Variants in DLG2 observed in about 807,000 individuals in gnomAD.
The protein encoded by DLG2 is discs large MAGUK scaffold protein 2.
A neutral mutation model predicts 132.5 loss-of-function variants in DLG2; 45 were observed. That is an observed-to-expected ratio of 0.34 (90% CI 0.27 to 0.44). The LOEUF is 0.44. DLG2 is among the 20% of genes least tolerant of loss of function. The pLI is 1.00. For missense variants in DLG2, 1,045 were observed against 1,196.9 expected, an observed-to-expected ratio of 0.87 and a Z score of 1.87; for synonymous variants, 424 against 419.6, an observed-to-expected ratio of 1.01 and a Z score of -0.13.
chr11:85,584,920 G>A (rs1251739481), intron 3 of DLG2, among the ~76,000 whole-genome samples: 1 of 152,302 alleles, frequency 6.6e-6, no homozygotes, highest in South Asian at 2.1e-4. Context: ...CGAATGTATA[G>A]ACTGCAAAGA....
At chr11:85,263,869 T>G (rs557148637) in intron 4 of DLG2, among the ~76,000 whole-genome samples, 1 of 152,334 alleles carries the variant, frequency 6.6e-6, no homozygotes, top group African/African-American at 2.4e-5. Flanking sequence ...GTGGTAACAG[T>G]TATTGAAACA....
intron 18 of DLG2, among the ~76,000 whole-genome samples, chr11:83,684,285 C>G (rs1223902163): frequency 6.6e-6 from 1 of 152,064 alleles, no homozygotes; most frequent in Non-Finnish European, 1.5e-5. Flanking sequence ...GTCAGCATTC[C>G]TTGAGAGCCA....
chr11:83,826,767 G>A (rs2052923990), intron 17 of DLG2, among the ~76,000 whole-genome samples: 2 of 152,236 alleles, frequency 1.3e-5, no homozygotes, highest in South Asian at 4.1e-4. Context: ...GGAGAGTAGT[G>A]GTTTTGCTGG....
intron 15 of DLG2, among the ~76,000 whole-genome samples, chr11:83,912,050 C>G (rs1343554483): frequency 6.6e-6 from 1 of 151,702 alleles, no homozygotes; most frequent in African/African-American, 2.4e-5. Context: ...TCATATTTTG[C>G]ACTTATATAC....
intron 18 of DLG2, among the ~76,000 whole-genome samples, chr11:83,706,116 G>A (rs374435170): frequency 6.6e-6 from 1 of 151,746 alleles, no homozygotes; most frequent in Admixed American, 6.6e-5. Flanking sequence ...TACTCGGGAG[G>A]TTGAGGCAGG....
At chr11:83,784,173 A>G (rs1343694193) in intron 18 of DLG2, among the ~76,000 whole-genome samples, 1 of 152,218 alleles carries the variant, frequency 6.6e-6, no homozygotes, top group Non-Finnish European at 1.5e-5. Flanking sequence ...ACGACTTACA[A>G]TATGGGTGCA....
intron 18 of DLG2, among the ~76,000 whole-genome samples, chr11:83,706,228 A>C (rs1009127912): frequency 1.3e-5 from 2 of 151,762 alleles, no homozygotes; most frequent in African/African-American, 4.8e-5. Context: ...AAAAAAAAAA[A>C]AAACATTTTA....
intron 8 of DLG2, among the ~76,000 whole-genome samples, chr11:84,227,922 AAAAAAAAAAAT>A (rs2097028170): frequency 6.6e-6 from 1 of 151,712 alleles, no homozygotes; most frequent in Non-Finnish European, 1.5e-5. Flanking sequence ...TCAAAAAAAA[AAAAAAAAAAAT>A]GTATGTTGAC....
At chr11:83,506,375 C>G (rs568848271) in intron 21 of DLG2, among the ~76,000 whole-genome samples, 97 of 152,282 alleles carry the variant, frequency 6.4e-4, no homozygotes, top group African/African-American at 2.3e-3. Flanking sequence ...CTTTAATATC[C>G]ATTTCCATGC....
At chr11:83,588,225 A>C (rs2097126265) in intron 19 of DLG2, among the ~76,000 whole-genome samples, 1 of 151,580 alleles carries the variant, frequency 6.6e-6, no homozygotes, top group Admixed American at 6.6e-5. Flanking sequence ...TGCAGACTTA[A>C]ATGTCCCTGT....
chr11:84,823,688 A>G (rs1374443163), intron 6 of DLG2, among the ~76,000 whole-genome samples: 3 of 151,504 alleles, frequency 2.0e-5, no homozygotes, highest in Non-Finnish European at 4.4e-5. Flanking sequence ...ATCACTCAAC[A>G]TAAAAAAAAG....
chr11:83,894,437 A>C (rs1401305395), intron 15 of DLG2, among the ~76,000 whole-genome samples: 2 of 152,206 alleles, frequency 1.3e-5, no homozygotes, highest in African/African-American at 4.8e-5. Context: ...AAGGAAACAA[A>C]AAAGGAAACA....
chr11:83,603,329 CT>C (rs1227829131), intron 19 of DLG2, among the ~76,000 whole-genome samples: 7 of 151,978 alleles, frequency 4.6e-5, no homozygotes, highest in African/African-American at 1.7e-4. Context: ...AACTATCTTT[CT>C]TTTTTTGGCC....
chr11:85,083,413 C>T (rs907928772), intron 6 of DLG2, among the ~76,000 whole-genome samples: 2 of 152,172 alleles, frequency 1.3e-5, no homozygotes, highest in African/African-American at 4.8e-5. Context: ...CCAAAAGTAT[C>T]TGAGACTGGT....
chr11:85,423,860 T>G (rs2090509100), intron 3 of DLG2, among the ~76,000 whole-genome samples: 1 of 152,164 alleles, frequency 6.6e-6, no homozygotes. Flanking sequence ...GCATCCCAGC[T>G]GCAAAAGCAA....
At chr11:84,516,344 A>T (rs956441042) in intron 7 of DLG2, among the ~76,000 whole-genome samples, 1 of 151,688 alleles carries the variant, frequency 6.6e-6, no homozygotes, top group Non-Finnish European at 1.5e-5. Context: ...ACTAAGTATA[A>T]TAAAAACACA....
intron 18 of DLG2, among the ~76,000 whole-genome samples, chr11:83,661,484 T>G (rs533907320): frequency 6.6e-6 from 1 of 152,214 alleles, no homozygotes. Context: ...GAGCACCTAC[T>G]ATGTGCCAGA....
At chr11:84,672,171 C>T (rs1030907667) in intron 6 of DLG2, among the ~76,000 whole-genome samples, 2 of 152,078 alleles carry the variant, frequency 1.3e-5, no homozygotes, top group African/African-American at 4.8e-5. Flanking sequence ...GTAAAAAATG[C>T]TTTAGTAAGA....
chr11:83,808,525 A>G (rs1220829984), intron 17 of DLG2, among the ~76,000 whole-genome samples: 1 of 152,120 alleles, frequency 6.6e-6, no homozygotes, highest in Non-Finnish European at 1.5e-5. Context: ...GGAACTCTCA[A>G]ACTCCATTCA....
Sources: gnomAD v4.1 joint callset for allele counts (sites outside exome capture counted in the v4.1 genomes callset) on GRCh38, gnomAD v4.1.1 for gene constraint, MANE v1.5 for transcripts, NCBI Gene and HGNC (gene_info 2026-07-23, HGNC 2026-07-21) for gene names.